AXIN1: variants seen among roughly 807,000 people sequenced by gnomAD.
AXIN1 encodes the protein axin-1.
In AXIN1, 30 loss-of-function variants were observed where a neutral mutation model predicts 76.4. The ratio of observed to expected loss-of-function variants is 0.39; its 90% CI spans 0.29 to 0.53. The LOEUF is 0.53. AXIN1 is among the 20% of genes least tolerant of loss of function. The pLI, the probability that AXIN1 is intolerant of heterozygous loss-of-function variation, is 0.66. For synonymous variants in AXIN1, 545 were observed against 501.4 expected (o/e 1.09, Z -1.16); for missense variants, 1,140 against 1,198.8 (o/e 0.95, Z 0.72).
chr16:351,680 G>C (rs1439461880), intron 1 of AXIN1, among the ~76,000 whole-genome samples: 1 of 152,130 alleles, frequency 6.6e-6, no homozygotes, highest in Non-Finnish European at 1.5e-5. Flanking sequence ...GCTGAGGCAG[G>C]TGGATCGCTT....
chr16:320,965 C>G (rs777774529), intron 2 of AXIN1, among the ~76,000 whole-genome samples: 6 of 152,052 alleles, frequency 3.9e-5, no homozygotes, highest in Non-Finnish European at 8.8e-5. Flanking sequence ...GTCTCGAACG[C>G]CTGACCTTGT....
At chr16:300,857 C>T (rs35700858) in intron 5 of AXIN1, among the ~76,000 whole-genome samples, 1 of 152,124 alleles carries the variant, frequency 6.6e-6, no homozygotes, top group Non-Finnish European at 1.5e-5. Context: ...CTGCCTTGGC[C>T]GAGCTCCACA....
intron 5 of AXIN1, among the ~76,000 whole-genome samples, chr16:299,748 C>A (rs188271535): frequency 6.6e-6 from 1 of 152,120 alleles, no homozygotes; most frequent in Admixed American, 6.5e-5. Context: ...CTCCGTCTCC[C>A]GGGTTCACAC....
At chr16:317,060 C>T (rs2053319592) in intron 2 of AXIN1, among the ~76,000 whole-genome samples, 1 of 152,180 alleles carries the variant, frequency 6.6e-6, no homozygotes, top group South Asian at 2.1e-4. Flanking sequence ...GCATCAGAGT[C>T]CTTGGTGTGG....
In AXIN1 at chr16:345,982, TG is replaced by T. The variant is rs1359286885; in HGVS notation, c.878+165del. Among the ~76,000 whole-genome samples, 4 of 152,328 alleles carry T rather than the reference TG, an allele frequency of 2.6e-5. No individual in the cohort carries two copies. In the East Asian group the frequency reaches 7.7e-4, roughly 29 times the overall value. On this transcript the variant is annotated intron_variant, in intron 2 of 10. Coordinates refer to ENST00000262320, the MANE Select transcript of AXIN1 (RefSeq NM_003502.4). Reference sequence around the variant, plus strand: ...CAACATTACAAATATAAAAAAGTAATGACAAATGCAAAAGTATCACAAATAA... The same window carrying T: ...CAACATTACAAATATAAAAAAGTAATACAAATGCAAAAGTATCACAAATAA...
chr16:340,532 C>T (rs896632723), intron 2 of AXIN1, among the ~76,000 whole-genome samples: 1 of 152,236 alleles, frequency 6.6e-6, no homozygotes, highest in African/African-American at 2.4e-5. Flanking sequence ...CTGAGCCCGC[C>T]AGCCAGGGAG....
At position 346,699 on chromosome 16, in the gene AXIN1, C is replaced by T. The variant is rs2141706016; in HGVS notation, c.327G>A (p.Glu109=). The stretch of plus-strand genomic sequence containing the variant: ...AGAAGTCCAGCAAGTCGGCACAGCC[C>T]TCCTGCTTCAGGAAAGTCCTGAACA... The part of the protein sequence containing the change: ...ISLFRTFLKQ[E]GCADLLDFWF... The change falls in exon 2 of 11, where the codon GAG becomes GAA. Residue 109 remains glutamate, a synonymous_variant. Transcript: ENST00000262320. The T allele has an allele frequency of 6.4e-7, 1 of 1,572,420 alleles. No individual in the cohort carries two copies. The highest frequency in any genetic ancestry group is 8.6e-7 in the Non-Finnish European group (1 of 1,158,910).
intron 2 of AXIN1, among the ~76,000 whole-genome samples, chr16:317,962 G>A (rs1349655035): frequency 6.6e-6 from 1 of 152,216 alleles, no homozygotes; most frequent in Non-Finnish European, 1.5e-5. Flanking sequence ...GGCCACTGCC[G>A]CACAGAAGTT....
chr16:297,002 G>C, intron 7 of AXIN1, 54 bp downstream of exon 7: 6 of 1,589,966 alleles, frequency 3.8e-6, no homozygotes, highest in Non-Finnish European at 5.1e-6. Context: ...ACTGTGCGGA[G>C]GCCAGGGGTG....
intron 3 of AXIN1, among the ~76,000 whole-genome samples, chr16:310,696 C>T (rs1468734629): frequency 6.6e-6 from 1 of 152,246 alleles, no homozygotes; most frequent in Non-Finnish European, 1.5e-5. Flanking sequence ...CCACGGCGCC[C>T]GGCCAAGGTT....
rs746152956 is a variant in AXIN1 at position 298,079 on chromosome 16, T to C, written c.1427A>G (p.Gln476Arg). ...NPESILDEHVQRVLRTPGRQS... is the reference protein window; with the variant it reads ...NPESILDEHVRRVLRTPGRQS... ...GCGGCCAGGTGTCCTCAGCACACGC[T>C]GTACGTGCTCGTCCAGGATGCTCTC... Residue 476 changes from glutamine (Q) to arginine (R), a missense_variant, in exon 6 of 11, where the codon CAG (glutamine) becomes CGG (arginine). Gln to Arg is a conservative substitution (Grantham distance 43, BLOSUM62 1). This residue lies in a region of AXIN1 where 708 missense variants were observed against 776.9 expected (regional missense o/e 0.91). Coordinates refer to ENST00000262320, the MANE Select transcript of AXIN1 (RefSeq NM_003502.4). The C allele has an allele frequency of 3.8e-6, 6 of 1,560,444 alleles. No individual in the cohort carries two copies. The highest frequency in any genetic ancestry group is 1.4e-5 in the African/African-American group (1 of 73,704).
At chr16:322,339 A>G (rs745865105) in intron 2 of AXIN1, among the ~76,000 whole-genome samples, 4 of 152,198 alleles carry the variant, frequency 2.6e-5, no homozygotes, top group African/African-American at 4.8e-5. Context: ...GCAATAACTC[A>G]TGACTGAGTA....
intron 5 of AXIN1, among the ~76,000 whole-genome samples, chr16:299,500 G>T (rs1246476337): frequency 6.7e-6 from 1 of 149,686 alleles, no homozygotes; most frequent in African/African-American, 2.5e-5. Flanking sequence ...TTATAGGAGT[G>T]TGCCACCATG....
At chr16:322,559 T>C (rs2053482182) in intron 2 of AXIN1, among the ~76,000 whole-genome samples, 2 of 152,070 alleles carry the variant, frequency 1.3e-5, no homozygotes, top group South Asian at 2.1e-4. Context: ...CACATCCTCC[T>C]CTCCAAAGCA....
rs779773707 is a variant in AXIN1, at chr16:288,254, G to A, written c.2463-6C>T. ...TCACTTTCTTGAAGTAGTATCTGCA[G>A]GACGGAGGTGAGGAGGGCAGTGAGC... On this transcript the variant is annotated splice_region_variant and splice_polypyrimidine_tract_variant and intron_variant, in intron 10 of 10. Transcript: ENST00000262320. The A allele has an allele frequency of 9.9e-6, 16 of 1,613,398 alleles. No individual in the cohort carries two copies. The Admixed American group carries it at 2.7e-4, about 27-fold the overall frequency.
In AXIN1 at chr16:297,842, G is replaced by C. The variant is rs2141510255; in HGVS notation, c.1664C>G (p.Thr555Ser). 6.3e-7 allele frequency: 1 copy of C among 1,576,904 alleles called. No homozygotes were observed. Among genetic ancestry groups the C allele is most frequent in the Non-Finnish European group, 8.6e-7 (1 of 1,160,420 alleles). ...GGCGAAGCTGCTCTGGGCCCTGCGG[G>C]TGGCCTCGGCCTCCACCTGCTCCTT... ...RPKEQVEAEA[T>S]RRAQSSFAWG... is the part of the protein sequence containing the mutation. Residue 555 changes from threonine to serine, a missense_variant, in exon 6 of 11, where the codon ACC becomes AGC. Coordinates refer to ENST00000262320, the MANE Select transcript of AXIN1 (RefSeq NM_003502.4).
chr16:289,577 C>G lies in AXIN1; in HGVS notation c.2325G>C (p.Gly775=), dbSNP rs750167769. The change falls in exon 10 of 11, where the codon GGG becomes GGC. Residue 775 remains glycine (G), a synonymous_variant. Coordinates refer to ENST00000262320, the MANE Select transcript of AXIN1 (RefSeq NM_003502.4). Reference sequence around the variant, plus strand: ...CGATGCTGTCACACGGCTGGGCACTCCCGCCGCCCACCTTCCTCTGCGATC... The same window carrying G: ...CGATGCTGTCACACGGCTGGGCACTGCCGCCGCCCACCTTCCTCTGCGATC... ...ETRSQRKVGG[G]SAQPCDSIVV... 3.1e-6 allele frequency: 5 copies of G among 1,612,974 alleles called. No individual in the cohort carries two copies. The highest frequency in any genetic ancestry group is 1.7e-5 in the Admixed American group (1 of 60,012).
intron 6 of AXIN1, 25 bp from the exon 7 acceptor site, chr16:297,251 G>A (rs757287063): frequency 6.9e-6 from 11 of 1,601,918 alleles, no homozygotes; most frequent in Middle Eastern, 1.6e-4. Context: ...GCTGCGAGTC[G>A]CCCTGGCCTC....
chr16:298,989 G>A (rs757943605), intron 5 of AXIN1: 43 of 776,184 alleles, frequency 5.5e-5, no homozygotes, highest in Non-Finnish European at 6.7e-5. Context: ...GGCTGGTCTC[G>A]AACTCCTGAC....
Sources: gnomAD v4.1 joint callset for allele counts (sites outside exome capture counted in the v4.1 genomes callset) on GRCh38, gnomAD v4.1.1 for gene constraint, gnomAD v4.1.1 regional missense constraint, MANE v1.5 for transcripts, NCBI Gene and HGNC (gene_info 2026-07-23, HGNC 2026-07-21) for gene names.